KIF3B: variants seen among roughly 807,000 people sequenced by gnomAD.
KIF3B encodes kinesin family member 3B.
In KIF3B, 38 loss-of-function variants were observed where a neutral mutation model predicts 74.3. The observed-to-expected ratio is 0.51, with a 90% confidence interval of 0.39 to 0.67. The LOEUF (loss-of-function observed/expected upper bound fraction) is 0.67, where lower values mean the gene tolerates loss of function less well. KIF3B is among the 30% of genes least tolerant of loss of function. KIF3B has a pLI of 0.00. For synonymous variants in KIF3B, 326 were observed against 342.5 expected (o/e 0.95, Z 0.53); for missense variants, 649 against 932.0 (o/e 0.70, Z 3.95).
In KIF3B at chr20:32,310,542, C is replaced by T. The variant is rs146174510; in HGVS notation, c.765C>T (p.Thr255=). 235 of 1,613,954 alleles carry T rather than the reference C, an allele frequency of 1.5e-4. No individual in the cohort carries two copies. In the African/African-American group the frequency reaches 2.7e-3, roughly 19 times the overall value. Residue 255 remains threonine (T), a synonymous_variant, in exon 2 of 9, where the codon ACC becomes ACT. Coordinates refer to ENST00000375712, the MANE Select transcript of KIF3B (RefSeq NM_004798.4). This position sits in a 1 kb window ranked among gnomAD's most constrained non-coding sequence, Gnocchi z 6.5. ...CTGGCAGCGAACGGCAAGCCAAGAC[C>T]GGCGCACAAGGGGAGAGATTAAAAG... ...DLAGSERQAK[T]GAQGERLKEA... is the part of the protein sequence containing the mutation.
intron 1 of KIF3B, among the ~76,000 whole-genome samples, chr20:32,293,705 G>A (rs1406041962): frequency 6.6e-6 from 1 of 152,128 alleles, no homozygotes; most frequent in Non-Finnish European, 1.5e-5. Context: ...GTGGTATATA[G>A]TATACTGCTA....
At chr20:32,326,133 G>T (rs1600439527) in intron 5 of KIF3B, among the ~76,000 whole-genome samples, 1 of 152,238 alleles carries the variant, frequency 6.6e-6, no homozygotes, top group Admixed American at 6.5e-5. Context: ...ATGGGAGACA[G>T]TCATCACCAT....
At position 32,287,944 on chromosome 20, in the gene KIF3B, G is replaced by A. The variant is rs1041572815; in HGVS notation, c.-66+10179G>A. Among the ~76,000 whole-genome samples, 5 of 129,180 alleles carry A rather than the reference G, an allele frequency of 3.9e-5. No individual in the cohort carries two copies. The East Asian group carries it at 8.0e-4, about 21-fold the overall frequency. The allele number at this position is 129,180 out of a possible 152,430, so 84.7% of individuals were successfully genotyped here. A position where few individuals can be genotyped will look rare whatever the true frequency, so the allele number is the denominator to read the frequency against. On this transcript the variant is annotated intron_variant, in intron 1 of 8. Transcript: ENST00000375712. Reference sequence around the variant, plus strand: ...GTCGCCTAGGCTGGAGTGCAGTGGTGCAGTCTCAGCTCACTGCAACCTCCG... The same window carrying A: ...GTCGCCTAGGCTGGAGTGCAGTGGTACAGTCTCAGCTCACTGCAACCTCCG...
At position 32,332,826 on chromosome 20, in the gene KIF3B, G is replaced by A. The variant is rs1292316780; in HGVS notation, c.*1507G>A. ...AAGGCCCATTGAATGACTAATCCAG[G>A]CTGGAAGCATTCCCATGTGGGTGTC... is the stretch of plus-strand genomic sequence containing the variant. On this transcript the variant is annotated 3_prime_UTR_variant, in exon 9 of 9. Coordinates refer to ENST00000375712, the MANE Select transcript of KIF3B (RefSeq NM_004798.4). 1 of 152,648 alleles carries A rather than the reference G, an allele frequency of 6.6e-6. No individual in the cohort carries two copies. Among genetic ancestry groups the A allele is most frequent in the Non-Finnish European group, 1.5e-5 (1 of 68,042 alleles). 9.5% of individuals were successfully genotyped at this position (152,648 alleles called of 1,614,324 possible). A position where few individuals can be genotyped will look rare whatever the true frequency, so the allele number is the denominator to read the frequency against.
At chr20:32,291,992 G>T (rs913969743) in intron 1 of KIF3B, among the ~76,000 whole-genome samples, 3 of 151,790 alleles carry the variant, frequency 2.0e-5, no homozygotes, top group Non-Finnish European at 4.4e-5. Context: ...AGAGCTCACT[G>T]CTGCCTCAAA....
At chr20:32,312,338 C>G (rs989855679) in intron 2 of KIF3B, among the ~76,000 whole-genome samples, 1 of 151,908 alleles carries the variant, frequency 6.6e-6, no homozygotes, top group African/African-American at 2.4e-5. Context: ...CTCCTGGGCT[C>G]GAATGATTCT....
intron 7 of KIF3B, among the ~76,000 whole-genome samples, chr20:32,329,390 C>G (rs983780006): frequency 1.3e-5 from 2 of 150,160 alleles, no homozygotes; most frequent in Non-Finnish European, 3.0e-5. Context: ...CACTGTGTCA[C>G]CCAAGCTGGA....
intron 5 of KIF3B, among the ~76,000 whole-genome samples, chr20:32,322,696 ATATT>A (rs1170457638): frequency 2.8e-5 from 2 of 70,630 alleles, no homozygotes; most frequent in East Asian, 9.6e-4. Context: ...ATATTTATAT[ATATT>A]TATATATTTA....
chr20:32,318,816 G>A (rs765892411), intron 5 of KIF3B, among the ~76,000 whole-genome samples: 3 of 152,134 alleles, frequency 2.0e-5, no homozygotes, highest in Non-Finnish European at 4.4e-5. Context: ...ATGGATGTGT[G>A]TTTTCATTTC....
rs1315636647 is a variant in KIF3B, at chr20:32,277,745, C to G, written c.-86C>G. 3.8e-6 allele frequency: 1 copy of G among 260,700 alleles called. No homozygotes were observed. Among genetic ancestry groups the G allele is most frequent in the African/African-American group, 2.3e-5 (1 of 42,882 alleles). The allele number at this position is 260,700 out of a possible 1,614,324, so 16.1% of individuals were successfully genotyped here. A position where few individuals can be genotyped will look rare whatever the true frequency, so the allele number is the denominator to read the frequency against. ...CGCCGCCGCCGCCGCCGCCGCCGCC[C>G]GCTTTCGGCTCGGGCCTCAGGTGAG... is the stretch of plus-strand genomic sequence containing the variant. On this transcript the variant is annotated 5_prime_UTR_variant, in exon 1 of 9. Coordinates refer to ENST00000375712, the MANE Select transcript of KIF3B (RefSeq NM_004798.4).
chr20:32,314,327 G>T (rs1346527303), intron 2 of KIF3B, among the ~76,000 whole-genome samples: 2 of 152,186 alleles, frequency 1.3e-5, no homozygotes, highest in East Asian at 3.9e-4. Context: ...ATCCCTTGAG[G>T]TCAGGAGTTC....
chr20:32,289,198 T>G (rs1215859797), intron 1 of KIF3B, among the ~76,000 whole-genome samples: 1 of 55,598 alleles, frequency 1.8e-5, no homozygotes, highest in African/African-American at 4.5e-5. Context: ...ACTGGTCTGG[T>G]TTTTTTTTTT....
At chr20:32,301,512 G>A (rs369338926) in intron 1 of KIF3B, among the ~76,000 whole-genome samples, 2 of 152,134 alleles carry the variant, frequency 1.3e-5, no homozygotes, top group East Asian at 3.9e-4. Context: ...GAGTAGCTGG[G>A]ATTACAGGCG....
rs200535655 is a variant in KIF3B, at chr20:32,291,315, A to AT, written c.-66+13559dup. The stretch of plus-strand genomic sequence containing the variant: ...ATGATAAGCCATTGGTTAGAGGGTG[A>AT]TTTTTTTTTCATTTGGAAAATCCCA... On this transcript the variant is annotated intron_variant, in intron 1 of 8. Transcript: ENST00000375712. Among the ~76,000 whole-genome samples the AT allele has an allele frequency of 9.6e-3, 1,458 of 151,316 alleles. 14 individuals carry two copies. The highest frequency in any genetic ancestry group is 0.023 in the African/African-American group (948 of 41,266).
chr20:32,300,753 A>G (rs2047739529), intron 1 of KIF3B, among the ~76,000 whole-genome samples: 1 of 152,208 alleles, frequency 6.6e-6, no homozygotes, highest in South Asian at 2.1e-4. Flanking sequence ...TGCTGCAGGA[A>G]GCAATCTTGT....
intron 5 of KIF3B, among the ~76,000 whole-genome samples, chr20:32,318,848 T>C (rs1279571297): frequency 6.6e-6 from 1 of 152,094 alleles, no homozygotes; most frequent in Non-Finnish European, 1.5e-5. Context: ...TTCATAGGAG[T>C]GGAATTGCTG....
chr20:32,322,722 ATT>A lies in KIF3B; in HGVS notation c.1749-4047_1749-4046del, dbSNP rs1491360039. On this transcript the variant is annotated intron_variant, in intron 5 of 8. Coordinates refer to ENST00000375712, the MANE Select transcript of KIF3B (RefSeq NM_004798.4). ...TATTTATATATTTATATATATTTAT[ATT>A]TATTTATTTATATATATTTATTTAT... Among the ~76,000 whole-genome samples, 48 of 59,830 alleles carry A rather than the reference ATT, an allele frequency of 8.0e-4. 4 individuals carry two copies. Among genetic ancestry groups the A allele is most frequent in the African/African-American group, 1.8e-3 (25 of 13,810 alleles). The allele number at this position is 59,830 out of a possible 152,430, so 39.3% of individuals were successfully genotyped here.
chr20:32,311,000 A>G lies in KIF3B; in HGVS notation c.1223A>G (p.Asp408Gly). 1.2e-6 allele frequency: 2 copies of G among 1,613,474 alleles called. No homozygotes were observed. The highest frequency in any genetic ancestry group is 1.7e-6 in the Non-Finnish European group (2 of 1,179,808). The change falls in exon 2 of 9, where the codon GAT (aspartate) becomes GGT (glycine). Residue 408 changes from aspartate to glycine, a missense_variant. Transcript: ENST00000375712. This position sits in a 1 kb window ranked among gnomAD's most constrained non-coding sequence, Gnocchi z 6.5. ...EEGEEGEEEG[D>G]DKDDYWREQQ... ...GGAGAAGAGGGTGAGGAGGAAGGGG[A>G]TGATAAGGATGATTACTGGCGGGAA...
At chr20:32,302,399 T>C (rs2047748409) in intron 1 of KIF3B, among the ~76,000 whole-genome samples, 1 of 152,232 alleles carries the variant, frequency 6.6e-6, no homozygotes, top group African/African-American at 2.4e-5. Context: ...TTAAAGATTT[T>C]TAAGATTAAT....
Sources: allele counts gnomAD v4.1 joint callset (sites outside exome capture counted in the v4.1 genomes callset), GRCh38; gene constraint gnomAD v4.1.1; non-coding constraint Gnocchi (gnomAD v3.1); transcripts MANE v1.5; gene names NCBI Gene and HGNC (gene_info 2026-07-23, HGNC 2026-07-21).